Variants in DPP6 observed in about 807,000 individuals in gnomAD.
The protein encoded by DPP6 is dipeptidyl peptidase like 6.
A neutral mutation model predicts 122.6 loss-of-function variants in DPP6; 69 were observed. The ratio of observed to expected loss-of-function variants is 0.56; its 90% CI spans 0.46 to 0.69. DPP6 has a LOEUF of 0.69. DPP6 is among the 30% of genes least tolerant of loss of function. The probability of loss-of-function intolerance (pLI) is 0.00; values close to 1 mark genes in which losing one functional copy is unlikely to be tolerated. For missense variants in DPP6, 928 were observed against 1,116.9 expected (o/e 0.83, Z 2.41); for synonymous variants, 418 against 433.1 (o/e 0.97, Z 0.43).
At chr7:154,305,599 CATGCGTGCAT>C in intron 1 of DPP6, 1 of 1,562,012 alleles carries the variant, frequency 6.4e-7, no homozygotes. Flanking sequence ...CGTGCGTGTG[CATGCGTGCAT>C]ATGTGTGTGC....
intron 1 of DPP6, among the ~76,000 whole-genome samples, chr7:154,062,886 T>G (rs1240228116): frequency 1.5e-5 from 2 of 130,794 alleles, no homozygotes; most frequent in East Asian, 4.6e-4. Flanking sequence ...CCCCCATCGT[T>G]GATCCTAAGA....
At chr7:154,248,875 AAAAAAG>A in intron 1 of DPP6, among the ~76,000 whole-genome samples, 1 of 152,330 alleles carries the variant, frequency 6.6e-6, no homozygotes, top group African/African-American at 2.4e-5. Flanking sequence ...CAGGAAAAAA[AAAAAAG>A]AAAAGGCATT....
chr7:154,454,574 A>C (rs1820662777), intron 2 of DPP6, among the ~76,000 whole-genome samples: 2 of 152,140 alleles, frequency 1.3e-5, no homozygotes, highest in African/African-American at 4.8e-5. Flanking sequence ...GACAGAGGAC[A>C]GTCTGGCCAG....
rs139613006 is a variant in DPP6, at chr7:154,808,730, G to A, written c.1666+1618G>A. On this transcript the variant is annotated intron_variant, in intron 16 of 25. Coordinates refer to ENST00000377770, the MANE Select transcript of DPP6 (RefSeq NM_130797.4). ...ATTACAGGGATTGACGGGGCATAGG[G>A]ATTGGGAAAATGTGGCAAGCAGACC... Among the ~76,000 whole-genome samples, 1,245 of 152,278 alleles carry A rather than the reference G, an allele frequency of 8.2e-3. 6 individuals carry two copies. The highest frequency in any genetic ancestry group is 0.011 in the Non-Finnish European group (775 of 68,020).
chr7:154,401,916 C>A lies in DPP6; in HGVS notation c.244-44298C>A, dbSNP rs563992621. Among the ~76,000 whole-genome samples, 131 of 152,266 alleles carry A rather than the reference C, an allele frequency of 8.6e-4. 1 individual carries two copies. Among genetic ancestry groups the A allele is most frequent in the Non-Finnish European group, 6.6e-4 (45 of 68,028 alleles). On this transcript the variant is annotated intron_variant, in intron 1 of 25. Coordinates refer to ENST00000377770, the MANE Select transcript of DPP6 (RefSeq NM_130797.4). The stretch of plus-strand genomic sequence containing the variant: ...AAATTTACAAGAAAAAAACAAACAA[C>A]CCCATCAAAAATTGGGCAAAGGACA...
In DPP6 at chr7:154,607,007, C is replaced by T. The variant is rs1182264477; in HGVS notation, c.628-30814C>T. Among the ~76,000 whole-genome samples, 3 of 120,988 alleles carry T rather than the reference C, an allele frequency of 2.5e-5. 1 individual carries two copies. The highest frequency in any genetic ancestry group is 5.6e-5 in the Non-Finnish European group (3 of 53,760). The allele number at this position is 120,988 out of a possible 152,430, so 79.4% of individuals were successfully genotyped here. A position where few individuals can be genotyped will look rare whatever the true frequency, so the allele number is the denominator to read the frequency against. On this transcript the variant is annotated intron_variant, in intron 5 of 25. Coordinates refer to ENST00000377770, the MANE Select transcript of DPP6 (RefSeq NM_130797.4). ...TACTGTTGTAATAATTTTGTAGCCA[C>T]CTGCTGCTGCTATTATGGTGAGCTA...
intron 1 of DPP6, among the ~76,000 whole-genome samples, chr7:154,064,542 G>C (rs1323964323): frequency 6.6e-6 from 1 of 152,182 alleles, no homozygotes; most frequent in Admixed American, 6.5e-5. Context: ...GTAACCTATT[G>C]TTCTTTAGAA....
At chr7:154,590,976 A>G (rs1832779983) in intron 5 of DPP6, among the ~76,000 whole-genome samples, 1 of 152,222 alleles carries the variant, frequency 6.6e-6, no homozygotes, top group African/African-American at 2.4e-5. Context: ...GGCGTGGTGA[A>G]CCAAGAAGTG....
At chr7:154,808,720 G>A (rs1390867237) in intron 16 of DPP6, among the ~76,000 whole-genome samples, 3 of 152,122 alleles carry the variant, frequency 2.0e-5, no homozygotes, top group Non-Finnish European at 2.9e-5. Flanking sequence ...AGGGATTGAC[G>A]GGGCATAGGG....
At chr7:154,651,039 G>A (rs550410118) in intron 6 of DPP6, among the ~76,000 whole-genome samples, 10 of 152,246 alleles carry the variant, frequency 6.6e-5, no homozygotes, top group African/African-American at 2.2e-4. Context: ...TTTTTGAAAT[G>A]CTAAGAGGAG....
At position 154,653,723 on chromosome 7, in the gene DPP6, C is replaced by A. The variant is rs111590568; in HGVS notation, c.681-15637C>A. Among the ~76,000 whole-genome samples the A allele has an allele frequency of 4.1e-3, 620 of 152,222 alleles. 7 individuals carry two copies. Among genetic ancestry groups the A allele is most frequent in the African/African-American group, 0.014 (579 of 41,516 alleles). On this transcript the variant is annotated intron_variant, in intron 6 of 25. Transcript: ENST00000377770. ...TCATTCCATTTTAGAACATTCCACC[C>A]CCACCTCCAAATTATGCTTTAGCAT...
At chr7:154,797,640 G>T (rs1346083733) in intron 12 of DPP6, among the ~76,000 whole-genome samples, 1 of 152,128 alleles carries the variant, frequency 6.6e-6, no homozygotes, top group East Asian at 1.9e-4. Context: ...AAGGCCGGGG[G>T]AGTATGGAGA....
intron 2 of DPP6, among the ~76,000 whole-genome samples, chr7:154,462,003 G>A (rs901614964): frequency 6.6e-6 from 1 of 152,122 alleles, no homozygotes; most frequent in African/African-American, 2.4e-5. Context: ...GGTCTTACAT[G>A]TAGTCCTTTA....
At chr7:153,861,599 T>A in the DPP6 span, among the ~76,000 whole-genome samples, 6 of 152,332 alleles carry the variant, frequency 3.9e-5, no homozygotes, top group Admixed American at 2.0e-4. Flanking sequence ...TCCTCCCTTT[T>A]TTATCATATT....
chr7:154,480,360 C>A (rs73163051), intron 3 of DPP6, among the ~76,000 whole-genome samples: 15,744 of 152,210 alleles, frequency 0.1, 1,033 homozygotes, highest in Non-Finnish European at 0.15. Flanking sequence ...CCACGCCCAG[C>A]ACTCTCCGAA....
At chr7:153,766,431 C>T in the DPP6 span, among the ~76,000 whole-genome samples, 2 of 152,114 alleles carry the variant, frequency 1.3e-5, no homozygotes, top group African/African-American at 4.8e-5. Context: ...ATCTTATCTA[C>T]TCAGCTATAT....
At chr7:154,236,747 G>A (rs1400298611) in intron 1 of DPP6, among the ~76,000 whole-genome samples, 2 of 152,038 alleles carry the variant, frequency 1.3e-5, no homozygotes, top group East Asian at 1.9e-4. Flanking sequence ...CGGTATTGCT[G>A]GGCCATATTA....
chr7:154,113,430 C>CACAT (rs1806747589), intron 1 of DPP6, among the ~76,000 whole-genome samples: 2 of 149,520 alleles, frequency 1.3e-5, no homozygotes, highest in African/African-American at 5.0e-5. Flanking sequence ...CACACACACA[C>CACAT]ATACACACAA....
chr7:154,030,021 C>A (rs1799149768), intron 1 of DPP6, among the ~76,000 whole-genome samples: 2 of 152,044 alleles, frequency 1.3e-5, no homozygotes, highest in African/African-American at 4.8e-5. Flanking sequence ...CATGGCAAAA[C>A]CCCATCTCTA....
Sources: gnomAD v4.1 joint callset for allele counts (sites outside exome capture counted in the v4.1 genomes callset) on GRCh38, gnomAD v4.1.1 for gene constraint, MANE v1.5 for transcripts, NCBI Gene and HGNC (gene_info 2026-07-23, HGNC 2026-07-21) for gene names.